The following MAML3 variants were observed in gnomAD, a reference collection of about 807,000 sequenced individuals.
The protein encoded by MAML3 is mastermind-like protein 3.
Under a neutral mutation model 101.9 loss-of-function variants are expected in MAML3, and 27 were observed. The ratio of observed to expected loss-of-function variants is 0.27; its 90% CI spans 0.20 to 0.37. MAML3 has a LOEUF of 0.37. MAML3 is among the 10% of genes least tolerant of loss of function. MAML3 has a pLI of 1.00. For synonymous variants in MAML3, 501 were observed against 555.9 expected, an observed-to-expected ratio of 0.90 and a Z score of 1.39; for missense variants, 1,316 against 1,444.9, an observed-to-expected ratio of 0.91 and a Z score of 1.45.
chr4:139,902,594 G>C (rs973118366), intron 1 of MAML3, among the ~76,000 whole-genome samples: 37 of 152,160 alleles, frequency 2.4e-4, no homozygotes, highest in African/African-American at 8.9e-4. Context: ...GAAGTCATTT[G>C]AGCCGCTCTG....
chr4:140,031,972 C>T (rs1036805363), intron 1 of MAML3, among the ~76,000 whole-genome samples: 3 of 152,226 alleles, frequency 2.0e-5, no homozygotes, highest in Non-Finnish European at 4.4e-5. Context: ...AACTTGCAGT[C>T]TCTGTCTGCC....
chr4:140,111,879 G>A (rs2111012159), intron 1 of MAML3, among the ~76,000 whole-genome samples: 1 of 152,236 alleles, frequency 6.6e-6, no homozygotes, highest in African/African-American at 2.4e-5. Flanking sequence ...TGCCATGTCA[G>A]TGGCCCCAAC....
rs17310809 is a variant in MAML3, at chr4:139,910,141, C to T, written c.469-19174G>A. 8.9e-3 allele frequency among the ~76,000 whole-genome samples: 1,351 copies of T among 151,334 alleles called. 12 individuals carry two copies. Among genetic ancestry groups the T allele is most frequent in the Middle Eastern group, 0.037 (11 of 294 alleles). ...AACTAAGAGACCACTAGGTTAGTAA[C>T]CAAGTAATTCACTGAGAATCTGAGC... On this transcript the variant is annotated intron_variant, in intron 1 of 4. Coordinates refer to ENST00000509479, the MANE Select transcript of MAML3 (RefSeq NM_018717.5).
At chr4:140,042,695 C>T (rs1727106818) in intron 1 of MAML3, among the ~76,000 whole-genome samples, 2 of 152,216 alleles carry the variant, frequency 1.3e-5, no homozygotes, top group Admixed American at 1.3e-4. Context: ...ATTTGTCTGA[C>T]CCAGTCACAC....
chr4:140,147,629 A>T (rs1277978773), intron 1 of MAML3, among the ~76,000 whole-genome samples: 1 of 152,248 alleles, frequency 6.6e-6, no homozygotes, highest in Non-Finnish European at 1.5e-5. Context: ...GGTAGACACT[A>T]TGAAAATCTT....
At chr4:140,081,655 G>T (rs554989774) in intron 1 of MAML3, among the ~76,000 whole-genome samples, 1 of 152,216 alleles carries the variant, frequency 6.6e-6, no homozygotes, top group South Asian at 2.1e-4. Context: ...AAGTCTCATT[G>T]GCATGATTTT....
At chr4:140,010,678 G>C (rs982892287) in intron 1 of MAML3, among the ~76,000 whole-genome samples, 10 of 151,956 alleles carry the variant, frequency 6.6e-5, no homozygotes, top group Admixed American at 4.6e-4. Context: ...CTCATGTTAG[G>C]AAAAATCCTT....
At chr4:139,892,140 C>T (rs551020349) in intron 1 of MAML3, among the ~76,000 whole-genome samples, 66 of 152,320 alleles carry the variant, frequency 4.3e-4, no homozygotes, top group African/African-American at 1.5e-3. Context: ...GGTCGTCAGC[C>T]TAGAGAAGAT....
chr4:139,781,085 C>G (rs1463336994), intron 2 of MAML3, among the ~76,000 whole-genome samples: 2 of 152,130 alleles, frequency 1.3e-5, no homozygotes, highest in African/African-American at 2.4e-5. Context: ...TAGCTCCTTA[C>G]CCAAAATGCA....
intron 2 of MAML3, among the ~76,000 whole-genome samples, chr4:139,769,599 C>A (rs1409679011): frequency 6.6e-6 from 1 of 152,054 alleles, no homozygotes; most frequent in Non-Finnish European, 1.5e-5. Context: ...AGTCTAAAGA[C>A]CTTCCATGTC....
chr4:140,151,694 G>GA (rs900398705), intron 1 of MAML3, among the ~76,000 whole-genome samples: 7 of 149,892 alleles, frequency 4.7e-5, no homozygotes, highest in Non-Finnish European at 7.4e-5. Context: ...GCGGTGCGGG[G>GA]GGGGGGGGCA....
intron 1 of MAML3, among the ~76,000 whole-genome samples, chr4:140,117,066 C>T (rs1728528324): frequency 6.6e-6 from 1 of 152,186 alleles, no homozygotes; most frequent in Non-Finnish European, 1.5e-5. Context: ...TCTATTTCCT[C>T]TTCCTTAGAA....
intron 1 of MAML3, among the ~76,000 whole-genome samples, chr4:139,954,115 C>T (rs930854757): frequency 6.6e-6 from 1 of 152,200 alleles, no homozygotes; most frequent in Non-Finnish European, 1.5e-5. Context: ...TCTCATTTGT[C>T]CATGTGTCCT....
rs140509448 is a variant in MAML3, at chr4:139,853,852, C to T, written c.2079+35505G>A. On this transcript the variant is annotated intron_variant, in intron 2 of 4. Coordinates refer to ENST00000509479, the MANE Select transcript of MAML3 (RefSeq NM_018717.5). ...TTATTTTTTTTTTGAGATGGGGTCTCGCTCTGTCTCCTAGGCTGGACTGCT... is the reference window on the plus strand; with the variant it reads ...TTATTTTTTTTTTGAGATGGGGTCTTGCTCTGTCTCCTAGGCTGGACTGCT... 1.1e-3 allele frequency among the ~76,000 whole-genome samples: 160 copies of T among 151,348 alleles called. 2 individuals carry two copies. The East Asian group carries it at 0.029, about 28-fold the overall frequency.
At chr4:139,781,663 T>C (rs1423803285) in intron 2 of MAML3, among the ~76,000 whole-genome samples, 2 of 152,020 alleles carry the variant, frequency 1.3e-5, no homozygotes, top group Non-Finnish European at 2.9e-5. Context: ...GGTAAAACAC[T>C]CGGGCTTCAC....
chr4:139,812,262 T>C (rs1377971680), intron 2 of MAML3, among the ~76,000 whole-genome samples: 1 of 152,076 alleles, frequency 6.6e-6, no homozygotes, highest in Non-Finnish European at 1.5e-5. Flanking sequence ...AAAGAAAATC[T>C]TAAAGAGTCT....
At chr4:140,005,254 C>G (rs1726425725) in intron 1 of MAML3, among the ~76,000 whole-genome samples, 1 of 152,188 alleles carries the variant, frequency 6.6e-6, no homozygotes, top group Non-Finnish European at 1.5e-5. Context: ...GATTCCTAAT[C>G]CTCCTTGGCA....
chr4:139,934,198 GTGTC>G (rs1198204380), intron 1 of MAML3, among the ~76,000 whole-genome samples: 5 of 152,000 alleles, frequency 3.3e-5, no homozygotes, highest in African/African-American at 1.2e-4. Context: ...GTGAATGTGT[GTGTC>G]TGTGTGTGAT....
intron 1 of MAML3, among the ~76,000 whole-genome samples, chr4:140,145,862 C>CT (rs1263462765): frequency 6.5e-5 from 3 of 46,424 alleles, no homozygotes; most frequent in Admixed American, 3.3e-4. Flanking sequence ...TGCGCCTGGC[C>CT]TTTTTTTTCT....
Sources: allele counts gnomAD v4.1 joint callset (sites outside exome capture counted in the v4.1 genomes callset), GRCh38; gene constraint gnomAD v4.1.1; transcripts MANE v1.5; gene names NCBI Gene and HGNC (gene_info 2026-07-23, HGNC 2026-07-21).